Variants in ROS1 observed in about 807,000 individuals in gnomAD.
The protein encoded by ROS1 is ROS proto-oncogene 1, receptor tyrosine kinase, also known as proto-oncogene tyrosine-protein kinase ROS.
A neutral mutation model predicts 273.5 loss-of-function variants in ROS1; 263 were observed. That is an observed-to-expected ratio of 0.96 (90% CI 0.87 to 1.06). The LOEUF is 1.06. Among genes scored for constraint, ROS1 ranks in the 50% least tolerant of loss-of-function variants. ROS1 has a pLI of 0.00. For synonymous variants in ROS1, 1,008 were observed against 954.1 expected (o/e 1.06, Z -1.04); for missense variants, 2,833 against 2,751.1 (o/e 1.03, Z -0.67).
At chr6:117,412,620 ATAGATAG>A (rs1233535613) in intron 4 of ROS1, among the ~76,000 whole-genome samples, 7 of 152,162 alleles carry the variant, frequency 4.6e-5, no homozygotes, top group African/African-American at 1.7e-4. Context: ...AGATAGATAG[ATAGATAG>A]ATAGATATAC....
rs1337563681 is a variant in ROS1, at chr6:117,329,373, A to T, written c.5304T>A (p.Ala1768=). ...GSKNSIQWEK[A]EDNGCRITYY... ...ATGTAATTCTACATCCATTATCTTC[A>T]GCTTTCTCCCACTGTATTGAATTTT... Residue 1768 remains alanine (A), a synonymous_variant, in exon 33 of 44, where the codon GCT becomes GCA. Transcript: ENST00000368507. 6.3e-7 allele frequency: 1 copy of T among 1,597,892 alleles called. No homozygotes were observed. The highest frequency in any genetic ancestry group is 8.6e-7 in the Non-Finnish European group (1 of 1,165,848).
rs1172636996 is a variant in ROS1, at chr6:117,341,326, G to T, written c.4885-15C>A. On this transcript the variant is annotated splice_polypyrimidine_tract_variant and intron_variant, in intron 30 of 43. Transcript: ENST00000368507. ...CAGGCAAGAACCTTTTGGTAAAAAA[G>T]AACAATTGCTTAACCTTTTGAGAGC... 7 of 1,612,208 alleles carry T rather than the reference G, an allele frequency of 4.3e-6. No homozygotes were observed. Among genetic ancestry groups the T allele is most frequent in the South Asian group, 2.2e-5 (2 of 90,910 alleles).
At chr6:117,406,287 C>T (rs1263510840) in intron 5 of ROS1, among the ~76,000 whole-genome samples, 1 of 150,604 alleles carries the variant, frequency 6.6e-6, no homozygotes, top group Non-Finnish European at 1.5e-5. Flanking sequence ...TTACCATTTT[C>T]CATCATGTGA....
chr6:117,359,087 T>C (rs192435342), intron 24 of ROS1, among the ~76,000 whole-genome samples: 52 of 152,254 alleles, frequency 3.4e-4, no homozygotes, highest in Admixed American at 1.8e-3. Flanking sequence ...TTCACTCCAC[T>C]CTCATCCAAA....
chr6:117,416,606 C>T (rs182062464), intron 2 of ROS1, among the ~76,000 whole-genome samples: 20 of 152,216 alleles, frequency 1.3e-4, no homozygotes, highest in South Asian at 6.2e-4. Context: ...CAACCTTCAG[C>T]GAAGACACCG....
chr6:117,384,736 C>A (rs1260923007), intron 16 of ROS1, among the ~76,000 whole-genome samples: 1 of 152,160 alleles, frequency 6.6e-6, no homozygotes, highest in African/African-American at 2.4e-5. Flanking sequence ...CCCCCATAGG[C>A]CAACATCTAT....
chr6:117,414,419 G>A lies in ROS1; in HGVS notation c.255+100C>T, dbSNP rs941904841. On this transcript the variant is annotated intron_variant, in intron 4 of 43. Transcript: ENST00000368507. ...TTGAGGAAGAATGTCTCAGTGCACT[G>A]AGAATTTTAGGTTTCTTCACCCCTA... is the stretch of plus-strand genomic sequence containing the variant. The A allele has an allele frequency of 5.7e-6, 4 of 698,974 alleles. 1 individual carries two copies. The highest frequency in any genetic ancestry group is 3.7e-5 in the African/African-American group (2 of 54,658). The allele number at this position is 698,974 out of a possible 1,614,324, so 43.3% of individuals were successfully genotyped here. A position where few individuals can be genotyped will look rare whatever the true frequency, so the allele number is the denominator to read the frequency against.
At chr6:117,404,014 ATCACGAGG>A (rs1265828058) in intron 6 of ROS1, among the ~76,000 whole-genome samples, 1 of 152,196 alleles carries the variant, frequency 6.6e-6, no homozygotes, top group Non-Finnish European at 1.5e-5. Flanking sequence ...AGGCGGGCGG[ATCACGAGG>A]TCAGGAGATG....
At position 117,365,520 on chromosome 6, in the gene ROS1, A is replaced by T. The variant is rs182771521; in HGVS notation, c.2958+61T>A. On this transcript the variant is annotated intron_variant, in intron 20 of 43. Coordinates refer to ENST00000368507, the MANE Select transcript of ROS1 (RefSeq NM_001378902.1). ...AAGATGATACAGGTCAGTGTGGGCA[A>T]GGCTGACACAGATGGTACAGTCTGT... 9 of 1,409,392 alleles carry T rather than the reference A, an allele frequency of 6.4e-6. No individual in the cohort carries two copies. The Admixed American group carries it at 6.8e-5, about 11-fold the overall frequency. The allele number at this position is 1,409,392 out of a possible 1,614,324, so 87.3% of individuals were successfully genotyped here.
chr6:117,353,185 G>C lies in ROS1; in HGVS notation c.4127-19C>G, dbSNP rs755660142. On this transcript the variant is annotated intron_variant, in intron 26 of 43. Transcript: ENST00000368507. ...GTTTTTCCTGCTGTTAAAAACATAA[G>C]GAATATAAAGAACAAAATTAATATC... 5.9e-6 allele frequency: 9 copies of C among 1,519,452 alleles called. No homozygotes were observed. The highest frequency in any genetic ancestry group is 1.4e-5 in the African/African-American group (1 of 71,442). The allele number at this position is 1,519,452 out of a possible 1,614,324, so 94.1% of individuals were successfully genotyped here.
intron 24 of ROS1, among the ~76,000 whole-genome samples, 174 bp downstream of exon 24, chr6:117,359,635 A>C (rs1038046004): frequency 6.6e-6 from 1 of 152,228 alleles, no homozygotes; most frequent in Non-Finnish European, 1.5e-5. Context: ...GTGTTGAATG[A>C]CATTTGCCCA....
At chr6:117,305,820 A>T (rs1775055993) in intron 42 of ROS1, among the ~76,000 whole-genome samples, 3 of 152,182 alleles carry the variant, frequency 2.0e-5, no homozygotes. Context: ...TATATCATGC[A>T]GTGTATACTC....
chr6:117,420,745 A>G (rs1391320688), intron 1 of ROS1, among the ~76,000 whole-genome samples: 1 of 152,076 alleles, frequency 6.6e-6, no homozygotes, highest in Non-Finnish European at 1.5e-5. Context: ...GTAGGATAAT[A>G]CTTAATTCAT....
chr6:117,359,345 C>T, intron 24 of ROS1, among the ~76,000 whole-genome samples: 1 of 152,156 alleles, frequency 6.6e-6, no homozygotes, highest in East Asian at 1.9e-4. Context: ...CATGGATTAT[C>T]TCATTTAATC....
At chr6:117,292,598 T>A (rs1187904723) in intron 43 of ROS1, among the ~76,000 whole-genome samples, 1 of 152,212 alleles carries the variant, frequency 6.6e-6, no homozygotes, top group African/African-American at 2.4e-5. Context: ...AATGACCTAG[T>A]CTGCACCCTG....
intron 11 of ROS1, 131 bp from the exon 12 acceptor site, chr6:117,393,452 A>G: frequency 1.6e-6 from 1 of 627,754 alleles, no homozygotes; most frequent in Non-Finnish European, 2.8e-6. Context: ...AAGACAAATG[A>G]GCAAAAAAAA....
At position 117,389,627 on chromosome 6, in the gene ROS1, G is replaced by T; in HGVS notation, c.1509C>A (p.Ile503=). The part of the protein sequence containing the change: ...GSASHLILPR[I]PFADVKSFAC... ...CAAAACTTTTCACATCAGCAAAGGGGATGCGAGGTAGGATGAGATGGGAAG... is the reference window on the plus strand; with the variant it reads ...CAAAACTTTTCACATCAGCAAAGGGTATGCGAGGTAGGATGAGATGGGAAG... Residue 503 remains isoleucine (I), a synonymous_variant, in exon 13 of 44, where the codon ATC becomes ATA. Transcript: ENST00000368507. 1 of 1,614,212 alleles carries T rather than the reference G, an allele frequency of 6.2e-7. No homozygotes were observed. Among genetic ancestry groups the T allele is most frequent in the African/African-American group, 1.3e-5 (1 of 75,042 alleles).
chr6:117,362,690 A>G lies in ROS1; in HGVS notation c.3279T>C (p.Cys1093=), dbSNP rs200571351. 17 of 1,613,436 alleles carry G rather than the reference A, an allele frequency of 1.1e-5. No homozygotes were observed. The East Asian group carries it at 3.8e-4, about 36-fold the overall frequency. Residue 1093 remains cysteine, a synonymous_variant, in exon 22 of 44, where the codon TGT becomes TGC. Transcript: ENST00000368507. ...ISNQSITNKT[C]EDWIAVNVTP... The stretch of plus-strand genomic sequence containing the variant: ...TGACATTGACAGCAATCCAGTCTTC[A>G]CATGTTTTGTTTGTAATACTTTGAT...
In ROS1 at chr6:117,378,663, A is replaced by T. The variant is rs755824329; in HGVS notation, c.2582+396T>A. On this transcript the variant is annotated intron_variant, in intron 18 of 43. Coordinates refer to ENST00000368507, the MANE Select transcript of ROS1 (RefSeq NM_001378902.1). ...ATACCGACAAGATCAGGACAGGGGG[A>T]TAAGCTTGAGGACACAGATCAAGGA... Among the ~76,000 whole-genome samples, 151 of 152,186 alleles carry T rather than the reference A, an allele frequency of 9.9e-4. 1 individual carries two copies. The highest frequency in any genetic ancestry group is 1.6e-3 in the Non-Finnish European group (107 of 68,024).
Sources: gnomAD v4.1 joint callset for allele counts (sites outside exome capture counted in the v4.1 genomes callset) on GRCh38, gnomAD v4.1.1 for gene constraint, MANE v1.5 for transcripts, NCBI Gene and HGNC (gene_info 2026-07-23, HGNC 2026-07-21) for gene names.